Variants in MYRF observed in about 807,000 individuals in gnomAD.
The protein encoded by MYRF is myelin regulatory factor.
Under a neutral mutation model 126.3 loss-of-function variants are expected in MYRF, and 16 were observed. The ratio of observed to expected loss-of-function variants is 0.13; its 90% confidence interval spans 0.09 to 0.19. The LOEUF (loss-of-function observed/expected upper bound fraction) is 0.19. Among genes scored for constraint, MYRF ranks in the 10% least tolerant of loss-of-function variants. The pLI is 1.00. For missense variants in MYRF, 1,104 were observed against 1,547.0 expected (o/e 0.71, Z 4.80); for synonymous variants, 608 against 635.3 (o/e 0.96, Z 0.65).
intron 1 of MYRF, among the ~76,000 whole-genome samples, chr11:61,756,420 C>T (rs994967802): frequency 2.6e-5 from 4 of 152,050 alleles, no homozygotes; most frequent in Non-Finnish European, 4.4e-5. Flanking sequence ...GACAGGAATC[C>T]GGGGGCTGAG....
chr11:61,765,950 C>G lies in MYRF; in HGVS notation c.135-8C>G. On this transcript the variant is annotated splice_region_variant and splice_polypyrimidine_tract_variant and intron_variant, in intron 2 of 26. Coordinates refer to ENST00000278836, the MANE Select transcript of MYRF (RefSeq NM_001127392.3). Reference sequence around the variant, plus strand: ...TGGCTGGAGCTGAGCCGCCCCCCTTCCCCGCAGCTGCTTCCCTGACATCTC... The same window carrying G: ...TGGCTGGAGCTGAGCCGCCCCCCTTGCCCGCAGCTGCTTCCCTGACATCTC... 6.7e-7 allele frequency: 1 copy of G among 1,494,032 alleles called. No homozygotes were observed. Among genetic ancestry groups the G allele is most frequent in the Non-Finnish European group, 8.9e-7 (1 of 1,124,140 alleles). The allele number at this position is 1,494,032 out of a possible 1,614,324, so 92.5% of individuals were successfully genotyped here.
intron 8 of MYRF, among the ~76,000 whole-genome samples, chr11:61,775,825 TGGG>T (rs1484937129): frequency 5.2e-5 from 6 of 115,914 alleles, no homozygotes; most frequent in African/African-American, 1.7e-4. Flanking sequence ...GTGCAGAAGT[TGGG>T]GGAGTGGTAT....
At position 61,776,346 on chromosome 11, in the gene MYRF, C is replaced by G. The variant is rs367911001; in HGVS notation, c.1413C>G (p.Val471=). Residue 471 remains valine, a synonymous_variant, in exon 10 of 27, where the codon GTC becomes GTG. Coordinates refer to ENST00000278836, the MANE Select transcript of MYRF (RefSeq NM_001127392.3). The surrounding 1 kb of genome is among the most constrained non-coding windows in gnomAD (Gnocchi z 4.3). ...GGGTCAATCTGCCCCCTGAGCAGGT[C>G]ACGAAGGTGACTGTGGGGCGGCTGC... ...PVTVNLPPEQ[V]TKVTVGRLHF... The G allele has an allele frequency of 2.9e-5, 46 of 1,613,106 alleles. No homozygotes were observed. The highest frequency in any genetic ancestry group is 3.6e-5 in the Non-Finnish European group (43 of 1,179,844).
At chr11:61,780,084 C>T in intron 17 of MYRF, 138 bp from the exon 18 acceptor site, 1 of 1,236,318 alleles carries the variant, frequency 8.1e-7, no homozygotes, top group East Asian at 2.5e-5. Context: ...CTTTCTGCCT[C>T]TTCCCCTCTG....
intron 18 of MYRF, 101 bp downstream of exon 18, chr11:61,780,391 A>C: frequency 9.4e-7 from 1 of 1,064,068 alleles, no homozygotes; most frequent in Non-Finnish European, 1.4e-6. Flanking sequence ...AAAGGAGTTC[A>C]TCCTTAGCCT....
intron 22 of MYRF, chr11:61,782,243 T>G (rs2066572281): frequency 6.0e-6 from 1 of 165,716 alleles, no homozygotes; most frequent in Admixed American, 6.4e-5. Flanking sequence ...CTACAGAACC[T>G]TTTATTGTAG....
rs115560963 is a variant in MYRF at position 61,770,906 on chromosome 11, C to G, written c.740+381C>G. ...TGGAACCCTCAGGTTTCTGAGGAGT[C>G]TTCTTCCTAGACCCAAGCCCCCGAC... On this transcript the variant is annotated intron_variant, in intron 5 of 26. Coordinates refer to ENST00000278836, the MANE Select transcript of MYRF (RefSeq NM_001127392.3). Among the ~76,000 whole-genome samples the G allele has an allele frequency of 2.7e-3, 405 of 152,292 alleles. 2 individuals are homozygous for G. The highest frequency in any genetic ancestry group is 9.3e-3 in the African/African-American group (385 of 41,542).
intron 4 of MYRF, among the ~76,000 whole-genome samples, chr11:61,769,550 G>T (rs946184148): frequency 4.6e-5 from 7 of 152,174 alleles, no homozygotes; most frequent in African/African-American, 1.7e-4. Context: ...CCGCCTGCCC[G>T]CCTGCGCCAT....
chr11:61,757,051 T>G lies in MYRF; in HGVS notation c.46+4261T>G, dbSNP rs567382423. ...ATTATTAACTGAATCATTAACTGGG[T>G]GGCCCCGCCCTACCCAGGCAGCCTG... On this transcript the variant is annotated intron_variant, in intron 1 of 26. Coordinates refer to ENST00000278836, the MANE Select transcript of MYRF (RefSeq NM_001127392.3). The surrounding 1 kb of genome is among the most constrained non-coding windows in gnomAD (Gnocchi z 4.7). 1 of 404,788 alleles carries G rather than the reference T, an allele frequency of 2.5e-6. No homozygotes were observed. Among genetic ancestry groups the G allele is most frequent in the Admixed American group, 2.9e-5 (1 of 34,258 alleles). The allele number at this position is 404,788 out of a possible 1,614,324, so 25.1% of individuals were successfully genotyped here. A position where few individuals can be genotyped will look rare whatever the true frequency, so the allele number is the denominator to read the frequency against.
intron 8 of MYRF, among the ~76,000 whole-genome samples, 170 bp from the exon 9 acceptor site, chr11:61,775,886 G>T (rs564042190): frequency 1.3e-5 from 2 of 151,990 alleles, no homozygotes; most frequent in Non-Finnish European, 2.9e-5. Context: ...GTGTGGGGGG[G>T]TGTGACCATG....
intron 3 of MYRF, 170 bp downstream of exon 3, chr11:61,766,391 G>A (rs761408937): frequency 1.8e-5 from 12 of 673,722 alleles, no homozygotes; most frequent in African/African-American, 5.4e-5. Context: ...GTCAAGGGGG[G>A]ACTCCTGGGC....
intron 24 of MYRF, 93 bp downstream of exon 24, chr11:61,784,018 A>C: frequency 7.1e-7 from 1 of 1,415,822 alleles, no homozygotes; most frequent in Non-Finnish European, 9.8e-7. Flanking sequence ...GGACAGCCGG[A>C]GAGTCTCTGG....
rs112735547 is a variant in MYRF, at chr11:61,767,566, C to G, written c.398+1345C>G. ...TGAGGCTGGGTGTGGTGGCACACAC[C>G]TGTAATCCCAGCACTTTGGAAGGCC... On this transcript the variant is annotated intron_variant, in intron 3 of 26. Coordinates refer to ENST00000278836, the MANE Select transcript of MYRF (RefSeq NM_001127392.3). 3.0e-3 allele frequency: 1,144 copies of G among 382,520 alleles called. 15 individuals carry two copies. Among genetic ancestry groups the G allele is most frequent in the African/African-American group, 0.022 (1,061 of 47,766 alleles). The allele number at this position is 382,520 out of a possible 1,614,324, so 23.7% of individuals were successfully genotyped here.
Position 61,781,133 on chromosome 11 carries a change from C to A in MYRF, c.2573-5C>A. 1 of 1,613,260 alleles carries A rather than the reference C, an allele frequency of 6.2e-7. No homozygotes were observed. Among genetic ancestry groups the A allele is most frequent in the Non-Finnish European group, 8.5e-7 (1 of 1,179,992 alleles). ...TCTGGCTCATACAGCCTCTGGCCTC[C>A]TCAGTGACCACCAGCCTCACCAGCT... On this transcript the variant is annotated splice_region_variant and splice_polypyrimidine_tract_variant and intron_variant, in intron 20 of 26. Transcript: ENST00000278836.
intron 3 of MYRF, chr11:61,767,359 C>A: frequency 2.2e-6 from 1 of 456,674 alleles, no homozygotes; most frequent in Non-Finnish European, 4.4e-6. Flanking sequence ...TCCTGGGTAT[C>A]CAGCTCCTGG....
Position 61,777,115 on chromosome 11 carries a change from C to T in MYRF, c.1591-149C>T, listed in dbSNP as rs1315844710. On this transcript the variant is annotated intron_variant, in intron 11 of 26. Transcript: ENST00000278836. This position sits in a 1 kb window ranked among gnomAD's most constrained non-coding sequence, Gnocchi z 8.8. ...TCCCACAAGTGACAAAAAGTTGTCA[C>T]AGTGGGAGGGACAGTTCAAGTTGGG... is the stretch of plus-strand genomic sequence containing the variant. 4.6e-6 allele frequency: 4 copies of T among 877,486 alleles called. No individual in the cohort carries two copies. In the African/African-American group the frequency reaches 6.7e-5, roughly 15 times the overall value. The allele number at this position is 877,486 out of a possible 1,614,324, so 54.4% of individuals were successfully genotyped here.
chr11:61,769,250 G>A lies in MYRF; in HGVS notation c.399-10G>A. On this transcript the variant is annotated splice_polypyrimidine_tract_variant and intron_variant, in intron 3 of 26. Transcript: ENST00000278836. ...GCTCACCCCCCGGCCCCTTCCCCTG[G>A]CTCTCGCAGCACACTGCCGGACTCT... 1 of 1,584,230 alleles carries A rather than the reference G, an allele frequency of 6.3e-7. No homozygotes were observed. The highest frequency in any genetic ancestry group is 8.6e-7 in the Non-Finnish European group (1 of 1,164,198).
In MYRF at chr11:61,778,660, T is replaced by C. The variant is rs2066453563; in HGVS notation, c.2013+171T>C. 1.5e-6 allele frequency: 1 copy of C among 662,676 alleles called. No homozygotes were observed. Among genetic ancestry groups the C allele is most frequent in the Non-Finnish European group, 2.8e-6 (1 of 360,980 alleles). 41.0% of individuals were successfully genotyped at this position (662,676 alleles called of 1,614,324 possible). A position where few individuals can be genotyped will look rare whatever the true frequency, so the allele number is the denominator to read the frequency against. The stretch of plus-strand genomic sequence containing the variant: ...GCACCCCACAGGGAAGGGGTGAGTG[T>C]TCAAGGAGATGAGTGGGTAGGGATT... On this transcript the variant is annotated intron_variant, in intron 14 of 26. Transcript: ENST00000278836. This position sits in a 1 kb window ranked among gnomAD's most constrained non-coding sequence, Gnocchi z 4.6.
At chr11:61,762,557 G>A (rs891276442) in intron 1 of MYRF, among the ~76,000 whole-genome samples, 41 of 152,294 alleles carry the variant, frequency 2.7e-4, no homozygotes, top group Admixed American at 5.9e-4. Flanking sequence ...GGGGAGGGGC[G>A]CTCCCGAGAG....
Sources: gnomAD v4.1 joint callset for allele counts (sites outside exome capture counted in the v4.1 genomes callset) on GRCh38, gnomAD v4.1.1 for gene constraint, Gnocchi (gnomAD v3.1) non-coding constraint, MANE v1.5 for transcripts, NCBI Gene and HGNC (gene_info 2026-07-23, HGNC 2026-07-21) for gene names.